The following NCOR2 variants were observed in gnomAD, a reference collection of about 807,000 sequenced individuals.
NCOR2 encodes nuclear receptor corepressor 2, also known as CTG repeat protein 26.
Under a neutral mutation model 262.9 loss-of-function variants are expected in NCOR2, and 81 were observed. That is an observed-to-expected ratio of 0.31 (90% CI 0.26 to 0.37). The LOEUF is 0.37. Ranked by LOEUF, NCOR2 falls within the 10% of genes least tolerant of loss-of-function variation. The probability of loss-of-function intolerance (pLI) is 1.00; values close to 1 mark genes in which losing one functional copy is unlikely to be tolerated. For synonymous variants in NCOR2, 1,659 were observed against 1,559.3 expected (o/e 1.06, Z -1.51); for missense variants, 3,385 against 3,621.4 (o/e 0.93, Z 1.68).
intron 24 of NCOR2, 140 bp downstream of exon 26, chr12:124,355,292 C>T: frequency 9.4e-7 from 1 of 1,064,510 alleles, no homozygotes; most frequent in Admixed American, 2.4e-5. Context: ...AGGACCCAGC[C>T]AGCTCAGACC....
intron 1 of NCOR2, among the ~76,000 whole-genome samples, chr12:124,527,310 A>T (rs1233059821): frequency 6.6e-6 from 1 of 152,142 alleles, no homozygotes. Context: ...TGGCTGTGTG[A>T]CCTCGGGCAA....
At chr12:124,335,454 C>T (rs368349793) in intron 39 of NCOR2, 29 bp downstream of exon 41, 216 of 1,592,566 alleles carry the variant, frequency 1.4e-4, no homozygotes, top group Middle Eastern at 1.1e-3. Context: ...TGCAGGGCTT[C>T]GGGGGCCTGG....
upstream of NCOR2, chr12:124,567,600 CGGCGGCGGT>C (rs1340560111): frequency 2.3e-5 from 3 of 132,218 alleles, no homozygotes; most frequent in East Asian, 2.5e-4. Context: ...CCGGCGGCCG[CGGCGGCGGT>C]GGCGGCGGCG....
rs1403584765 is a variant in NCOR2, at chr12:124,548,397, TCAGAGAC to T, written c.-164-12793_-164-12787del. 6.6e-6 allele frequency among the ~76,000 whole-genome samples: 1 copy of T among 152,034 alleles called. No homozygotes were observed. The highest frequency in any genetic ancestry group is 1.9e-4 in the East Asian group (1 of 5,190). ...CTGATGGGATCCCTCTGGCTGCAAC[TCAGAGAC>T]CAGACAGGTGTGACCAGAGTGGACT... On this transcript the variant is annotated intron_variant, in intron 1 of 32. Transcript: ENST00000458234. The surrounding 1 kb of genome is among the most constrained non-coding windows in gnomAD (Gnocchi z 5.1).
chr12:124,466,038 T>C, intron 5 of NCOR2, 135 bp downstream of exon 7: 1 of 862,242 alleles, frequency 1.2e-6, no homozygotes, highest in East Asian at 2.7e-5. Context: ...TCATAAACCC[T>C]GCGTCTCTGG....
At position 124,495,139 on chromosome 12, in the gene NCOR2, C is replaced by A. The variant is rs778350058; in HGVS notation, c.105+8G>T. The A allele has an allele frequency of 2.5e-6, 4 of 1,613,230 alleles. No individual in the cohort carries two copies. Among genetic ancestry groups the A allele is most frequent in the South Asian group, 2.2e-5 (2 of 91,010 alleles). ...TAGCCCCAGGCGCACACATGTGCAC[C>A]CCCTTACCGTGTGCGTCCGGGCGAT... On this transcript the variant is annotated splice_region_variant and intron_variant, in intron 1 of 46. Transcript: ENST00000405201. The surrounding 1 kb of genome is among the most constrained non-coding windows in gnomAD (Gnocchi z 4.4).
At chr12:124,385,828 C>A in exon 17 of NCOR2, 1 of 1,614,044 alleles carries the variant, frequency 6.2e-7, no homozygotes, top group Non-Finnish European at 8.5e-7. Flanking sequence ...CACTGCGACA[C>A]AGTCTTGGAG....
At chr12:124,530,191 A>G (rs936992101) in intron 1 of NCOR2, 5 of 152,176 alleles carry the variant, frequency 3.3e-5, no homozygotes, top group African/African-American at 1.2e-4. Flanking sequence ...CAGACACAAC[A>G]AAGTATAGTA....
intron 11 of NCOR2, 96 bp from the exon 14 acceptor site, chr12:124,422,651 C>T (rs1448981094): frequency 7.5e-6 from 10 of 1,334,750 alleles, no homozygotes; most frequent in South Asian, 7.2e-5. Flanking sequence ...CCCCACTGGC[C>T]GGGCCTGGCG....
exon 38 of NCOR2, chr12:124,336,796 T>C: frequency 1.2e-6 from 2 of 1,613,330 alleles, no homozygotes; most frequent in Non-Finnish European, 1.7e-6. Context: ...AGGGTTTACT[T>C]TGAGTCTTTT....
At chr12:124,539,109 G>T (rs1375007484), upstream of NCOR2, 1 of 152,222 alleles carries the variant, frequency 6.6e-6, no homozygotes, top group East Asian at 1.9e-4. The surrounding 1 kb of genome is among the most constrained non-coding windows in gnomAD (Gnocchi z 5.1). Flanking sequence ...GCCACAGTGT[G>T]GACTGAGCCC....
intron 6 of NCOR2, among the ~76,000 whole-genome samples, chr12:124,452,883 G>A (rs1157702856): frequency 3.3e-5 from 5 of 152,212 alleles, no homozygotes; most frequent in African/African-American, 1.2e-4. Flanking sequence ...CCGAAGGACT[G>A]AGGATACTGT....
In NCOR2 at chr12:124,409,261, G is replaced by C. The variant is rs149240654; in HGVS notation, c.1483-6700C>G. 3.7e-3 allele frequency among the ~76,000 whole-genome samples: 564 copies of C among 152,280 alleles called. 3 individuals are homozygous for C. Among genetic ancestry groups the C allele is most frequent in the Middle Eastern group, 0.014 (4 of 294 alleles). On this transcript the variant is annotated intron_variant, in intron 13 of 46. Coordinates refer to ENST00000405201, the Ensembl canonical transcript of NCOR2. ...TCCTGCTCTGAGGCCAGGATTCCTG[G>C]CCCTGGCCCACCTCCCTCAGGGCAG...
rs1261423165 is a variant in NCOR2, at chr12:124,385,739, G to A, written c.2019+6C>T. The A allele has an allele frequency of 1.2e-6, 2 of 1,613,200 alleles. No homozygotes were observed. Among genetic ancestry groups the A allele is most frequent in the South Asian group, 1.1e-5 (1 of 90,994 alleles). On this transcript the variant is annotated splice_donor_region_variant and intron_variant, in intron 17 of 46. Transcript: ENST00000405201. ...GAGGCGCGGTGCAGCGTGACTGGGG[G>A]CTCACCATCTTCAGCTTGTGCTGCT... is the stretch of plus-strand genomic sequence containing the variant.
chr12:124,394,447 T>TC (rs61205358), intron 16 of NCOR2, among the ~76,000 whole-genome samples: 7,924 of 152,186 alleles, frequency 0.052, 310 homozygotes, highest in Non-Finnish European at 0.084. Context: ...TTGGAGAGCA[T>TC]CCCCCCAACA....
At chr12:124,334,089 G>C (rs535065964) in intron 41 of NCOR2, among the ~76,000 whole-genome samples, 1 of 152,086 alleles carries the variant, frequency 6.6e-6, no homozygotes, top group South Asian at 2.1e-4. Context: ...CCTACTGACT[G>C]TGCCCCTGTG....
chr12:124,352,062 A>T (rs1474080273), intron 27 of NCOR2, among the ~76,000 whole-genome samples: 2 of 152,190 alleles, frequency 1.3e-5, no homozygotes, highest in Non-Finnish European at 2.9e-5. Context: ...TTCCCAAAGC[A>T]AATACTCTGA....
intron 20 of NCOR2, among the ~76,000 whole-genome samples, chr12:124,366,876 T>C (rs540018486): frequency 3.9e-5 from 6 of 152,112 alleles, no homozygotes; most frequent in Middle Eastern, 3.2e-3. Context: ...TTAATAACGG[T>C]TACAAAATGA....
chr12:124,324,688 A>G (rs1028935150), exon 47 of NCOR2: 1 of 152,510 alleles, frequency 6.6e-6, no homozygotes, highest in Admixed American at 6.5e-5. Context: ...TCCTTGCGTA[A>G]AACATCTGAA....
Sources: gnomAD v4.1 joint callset for allele counts (sites outside exome capture counted in the v4.1 genomes callset) on GRCh38, gnomAD v4.1.1 for gene constraint, Gnocchi (gnomAD v3.1) non-coding constraint, MANE v1.5 for transcripts, NCBI Gene and HGNC (gene_info 2026-07-23, HGNC 2026-07-21) for gene names.